JAKMIP3: variants seen among roughly 807,000 people sequenced by gnomAD.
JAKMIP3 encodes the protein janus kinase and microtubule-interacting protein 3.
Under a neutral mutation model 118.5 loss-of-function variants are expected in JAKMIP3, and 58 were observed. The observed-to-expected ratio is 0.49, with a 90% CI of 0.40 to 0.61. JAKMIP3 has a LOEUF of 0.61. Ranked by LOEUF, JAKMIP3 falls within the 20% of genes least tolerant of loss-of-function variation. The pLI, the probability that JAKMIP3 is intolerant of heterozygous loss-of-function variation, is 0.00. For missense variants in JAKMIP3, 950 were observed against 1,109.0 expected (o/e 0.86, Z 2.04); for synonymous variants, 486 against 451.2 (o/e 1.08, Z -0.98).
At chr10:132,146,982 T>C (rs2054742830) in intron 13 of JAKMIP3, among the ~76,000 whole-genome samples, 1 of 152,178 alleles carries the variant, frequency 6.6e-6, no homozygotes. Context: ...ACGTAAATGC[T>C]GGCATGTACA....
chr10:132,168,553 C>T lies in JAKMIP3; in HGVS notation c.*623C>T. On this transcript the variant is annotated 3_prime_UTR_variant, in exon 23 of 24. Coordinates refer to ENST00000684848, the MANE Select transcript of JAKMIP3 (RefSeq NM_001323087.2). ...GCTGGCCAACAGACCCCACATCCAC[C>T]CTCGTTCATCATCATCTCTGTGGGG... is the stretch of plus-strand genomic sequence containing the variant. 2.5e-6 allele frequency: 1 copy of T among 407,362 alleles called. No homozygotes were observed. Among genetic ancestry groups the T allele is most frequent in the Non-Finnish European group, 4.4e-6 (1 of 225,836 alleles). 25.2% of individuals were successfully genotyped at this position (407,362 alleles called of 1,614,324 possible).
At chr10:132,086,338 G>A (rs929984189) in intron 1 of JAKMIP3, among the ~76,000 whole-genome samples, 9 of 152,162 alleles carry the variant, frequency 5.9e-5, no homozygotes, top group Admixed American at 5.9e-4. Context: ...TTCTGCAGTC[G>A]TTGGGTAGAA....
intron 1 of JAKMIP3, among the ~76,000 whole-genome samples, chr10:132,091,335 G>C (rs1478739058): frequency 6.6e-6 from 1 of 152,192 alleles, no homozygotes; most frequent in Non-Finnish European, 1.5e-5. Context: ...GGGTATCCTT[G>C]TTAACTTTCT....
At position 132,179,276 on chromosome 10, in the gene JAKMIP3, G is replaced by A. The variant is rs566019205; in HGVS notation, c.*1104-3081G>A. On this transcript the variant is annotated intron_variant, in intron 23 of 23. Transcript: ENST00000684848. This position sits in a 1 kb window ranked among gnomAD's most constrained non-coding sequence, Gnocchi z 4.3. The stretch of plus-strand genomic sequence containing the variant: ...CTCATCCTCCCCCAGCATCATGCAC[G>A]GTCACGGGGCTGTATTTGTTGACGG... 2.0e-5 allele frequency among the ~76,000 whole-genome samples: 3 copies of A among 152,304 alleles called. No homozygotes were observed. Among genetic ancestry groups the A allele is most frequent in the Admixed American group, 6.5e-5 (1 of 15,300 alleles).
chr10:132,104,585 C>CAT, intron 1 of JAKMIP3, 87 bp from the exon 2 acceptor site: 1 of 566,668 alleles, frequency 1.8e-6, no homozygotes. Flanking sequence ...GGGGGGTCCA[C>CAT]GTGCCCCTGC....
chr10:132,049,857 C>T lies in JAKMIP3; in HGVS notation c.-138+13119C>T, dbSNP rs922500811. Among the ~76,000 whole-genome samples the T allele has an allele frequency of 2.6e-5, 4 of 152,128 alleles. No homozygotes were observed. The highest frequency in any genetic ancestry group is 9.7e-5 in the African/African-American group (4 of 41,426). ...GATTTTCTTCCATAGTCTTCTGTGACGTTTTTGTTTTGGCTATTTTTGATA... is the reference window on the plus strand; with the variant it reads ...GATTTTCTTCCATAGTCTTCTGTGATGTTTTTGTTTTGGCTATTTTTGATA... On this transcript the variant is annotated intron_variant, in intron 1 of 23. Transcript: ENST00000657785. The surrounding 1 kb of genome is among the most constrained non-coding windows in gnomAD (Gnocchi z 4.3).
At chr10:132,063,653 C>T (rs771483570), upstream of JAKMIP3, among the ~76,000 whole-genome samples, 6 of 152,292 alleles carry the variant, frequency 3.9e-5, no homozygotes, top group Non-Finnish European at 7.4e-5. Flanking sequence ...CTCTGGGCTC[C>T]GGGAGAGAAC....
At position 132,092,673 on chromosome 10, in the gene JAKMIP3, C is replaced by CT. The variant is rs1208184783; in HGVS notation, c.-137-11992dup. Among the ~76,000 whole-genome samples, 3 of 152,216 alleles carry CT rather than the reference C, an allele frequency of 2.0e-5. No individual in the cohort carries two copies. The South Asian group carries it at 6.2e-4, about 32-fold the overall frequency. On this transcript the variant is annotated intron_variant, in intron 1 of 23. Coordinates refer to ENST00000684848, the MANE Select transcript of JAKMIP3 (RefSeq NM_001323087.2). ...TATTCTAGTTAGCCATTTGTCTAAT[C>CT]TTTTTTTCAAGGTTTTTAGCTTCTC...
At chr10:132,124,211 G>A (rs1039743127) in intron 3 of JAKMIP3, among the ~76,000 whole-genome samples, 3 of 152,188 alleles carry the variant, frequency 2.0e-5, no homozygotes, top group African/African-American at 7.2e-5. Flanking sequence ...CCGTCCTTCT[G>A]CTGCTGCTTT....
At chr10:132,176,972 T>C (rs1247473142) in intron 23 of JAKMIP3, among the ~76,000 whole-genome samples, 4 of 152,180 alleles carry the variant, frequency 2.6e-5, no homozygotes, top group African/African-American at 9.7e-5. Flanking sequence ...GCTCTTTGTT[T>C]AGAATCTTTC....
intron 19 of JAKMIP3, among the ~76,000 whole-genome samples, chr10:132,154,555 G>T (rs1020180376): frequency 6.6e-6 from 1 of 152,204 alleles, no homozygotes; most frequent in South Asian, 2.1e-4. Flanking sequence ...CTCCTATCAC[G>T]TGACGGAAGG....
intron 1 of JAKMIP3, among the ~76,000 whole-genome samples, chr10:132,072,853 T>G (rs2040184828): frequency 6.6e-6 from 1 of 152,170 alleles, no homozygotes; most frequent in Admixed American, 6.5e-5. Context: ...GTGTCCCCAT[T>G]ACCTGAATAG....
At chr10:132,167,859 C>T (rs11146226) in intron 22 of JAKMIP3, 94 bp from the exon 23 acceptor site, 8,949 of 713,466 alleles carry the variant, frequency 0.013, 195 homozygotes, top group African/African-American at 0.023. Context: ...GCCCCTCACC[C>T]CTCGGCCCTC....
intron 1 of JAKMIP3, among the ~76,000 whole-genome samples, chr10:132,066,465 G>T (rs1346015816): frequency 6.6e-6 from 1 of 152,212 alleles, no homozygotes; most frequent in African/African-American, 2.4e-5. Context: ...TAGCACCAGA[G>T]AGCTGTCTGC....
At chr10:132,052,210 A>T (rs1015953894) in intron 1 of JAKMIP3, among the ~76,000 whole-genome samples, 4 of 152,216 alleles carry the variant, frequency 2.6e-5, no homozygotes, top group Admixed American at 6.5e-5. Flanking sequence ...TGGGTGACAG[A>T]GTGAGACCCT....
At position 132,086,839 on chromosome 10, in the gene JAKMIP3, G is replaced by A. The variant is rs2134318708; in HGVS notation, c.-137-17833G>A. On this transcript the variant is annotated intron_variant, in intron 1 of 23. Coordinates refer to ENST00000684848, the MANE Select transcript of JAKMIP3 (RefSeq NM_001323087.2). ...GCAATTCTGTATCTTTTAAGTGGAG[G>A]CTTTAGGCCATTTACATTCAACATT... Among the ~76,000 whole-genome samples the A allele has an allele frequency of 1.3e-5, 2 of 152,290 alleles. 1 individual carries two copies. The highest frequency in any genetic ancestry group is 4.1e-4 in the South Asian group (2 of 4,826).
At chr10:132,109,458 G>A (rs553412635) in intron 2 of JAKMIP3, among the ~76,000 whole-genome samples, 4 of 152,172 alleles carry the variant, frequency 2.6e-5, no homozygotes, top group South Asian at 4.1e-4. Flanking sequence ...CTCTCCGCCC[G>A]GCTGCCTGCC....
intron 1 of JAKMIP3, among the ~76,000 whole-genome samples, chr10:132,097,903 TTCCCCTTC>T (rs2044145075): frequency 2.1e-4 from 15 of 72,904 alleles, no homozygotes; most frequent in South Asian, 6.8e-4. Flanking sequence ...CCCCTTCCCC[TTCCCCTTC>T]CCCTTCCCCT....
rs1324520055 is a variant in JAKMIP3, at chr10:132,180,782, TGC to T, written c.*1104-1571_*1104-1570del. Among the ~76,000 whole-genome samples the T allele has an allele frequency of 9.9e-5, 6 of 60,610 alleles. 2 individuals are homozygous for T. Among genetic ancestry groups the T allele is most frequent in the African/African-American group, 1.6e-4 (2 of 12,378 alleles). The allele number at this position is 60,610 out of a possible 152,430, so 39.8% of individuals were successfully genotyped here. ...GTGCGTGTGTGTGCGTGTGTGTGTG[TGC>T]GCGTATGCATGTGCTGTGAGTGGTG... On this transcript the variant is annotated intron_variant, in intron 23 of 23. Transcript: ENST00000684848.
Sources: gnomAD v4.1 joint callset for allele counts (sites outside exome capture counted in the v4.1 genomes callset) on GRCh38, gnomAD v4.1.1 for gene constraint, Gnocchi (gnomAD v3.1) non-coding constraint, MANE v1.5 for transcripts, NCBI Gene and HGNC (gene_info 2026-07-23, HGNC 2026-07-21) for gene names.